Variants in PIK3R4 observed in about 807,000 individuals in gnomAD.
The protein encoded by PIK3R4 is phosphoinositide-3-kinase regulatory subunit 4, also known as phosphoinositide 3-kinase regulatory subunit 4.
Under a neutral mutation model 136.5 loss-of-function variants are expected in PIK3R4, and 46 were observed. The observed-to-expected ratio is 0.34, with a 90% confidence interval of 0.27 to 0.43. The LOEUF is 0.43. Among genes scored for constraint, PIK3R4 ranks in the 20% least tolerant of loss-of-function variants. The pLI is 1.00. For synonymous variants in PIK3R4, 557 were observed against 566.7 expected (o/e 0.98, Z 0.24); for missense variants, 1,331 against 1,649.5 (o/e 0.81, Z 3.35).
rs536921570 is a variant in PIK3R4, at chr3:130,728,699, A to G, written c.1586-15T>C. 230 of 1,427,658 alleles carry G rather than the reference A, an allele frequency of 1.6e-4. 1 individual carries two copies. Among genetic ancestry groups the G allele is most frequent in the Middle Eastern group, 5.7e-4 (3 of 5,236 alleles). 88.4% of individuals were successfully genotyped at this position (1,427,658 alleles called of 1,614,324 possible). On this transcript the variant is annotated splice_polypyrimidine_tract_variant and intron_variant, in intron 5 of 19. Transcript: ENST00000356763. ...GGCTTGGAGCTCTAAAAAAAAAAAA[A>G]AAAGAAAGAAAGAAAGAAAGAAAAG...
At chr3:130,681,669 TGAGA>T (rs750650516) in intron 16 of PIK3R4, 78 bp from the exon 17 acceptor site, 2 of 821,178 alleles carry the variant, frequency 2.4e-6, no homozygotes, top group Admixed American at 4.7e-5. Context: ...ATTGCAGTCC[TGAGA>T]GAAAGAAAGA....
chr3:130,691,568 T>C lies in PIK3R4; in HGVS notation c.3099-914A>G, dbSNP rs1000594975. ...TCACCAACTCCCTCCTCCATTACTC[T>C]CCACACAGACTGCAACTTTACGCTT... On this transcript the variant is annotated intron_variant, in intron 13 of 19. Coordinates refer to ENST00000356763, the MANE Select transcript of PIK3R4 (RefSeq NM_014602.3). Among the ~76,000 whole-genome samples the C allele has an allele frequency of 7.2e-5, 11 of 152,188 alleles. No individual in the cohort carries two copies. In the South Asian group the frequency reaches 2.1e-3, roughly 29 times the overall value.
chr3:130,732,669 C>T (rs534552647), intron 4 of PIK3R4, among the ~76,000 whole-genome samples: 12 of 151,828 alleles, frequency 7.9e-5, no homozygotes, highest in East Asian at 1.9e-4. Context: ...CATAAAAACA[C>T]GTAACAATCA....
chr3:130,725,982 A>G (rs1321443643), intron 6 of PIK3R4: 2 of 152,120 alleles, frequency 1.3e-5, no homozygotes, highest in Non-Finnish European at 2.9e-5. Context: ...ATGCAAAATG[A>G]TATCATCTTT....
intron 13 of PIK3R4, among the ~76,000 whole-genome samples, chr3:130,698,139 G>A (rs908823067): frequency 1.3e-5 from 2 of 152,114 alleles, no homozygotes; most frequent in Non-Finnish European, 2.9e-5. Flanking sequence ...TCAAAATTCT[G>A]TCTTTGTCTT....
intron 12 of PIK3R4, among the ~76,000 whole-genome samples, chr3:130,704,954 C>T (rs1053004519): frequency 6.6e-6 from 1 of 152,080 alleles, no homozygotes; most frequent in South Asian, 2.1e-4. Flanking sequence ...CCTTAGCCTC[C>T]GGAGTAGCTG....
intron 13 of PIK3R4, among the ~76,000 whole-genome samples, chr3:130,702,323 A>AC (rs1315642045): frequency 6.6e-6 from 1 of 152,130 alleles, no homozygotes; most frequent in Admixed American, 6.6e-5. Context: ...TAAAATGTTG[A>AC]CCAAAAAAAA....
In PIK3R4 at chr3:130,740,042, T is replaced by C. The variant is rs551317567; in HGVS notation, c.734-4040A>G. Among the ~76,000 whole-genome samples, 288 of 152,318 alleles carry C rather than the reference T, an allele frequency of 1.9e-3. 1 individual carries two copies. Among genetic ancestry groups the C allele is most frequent in the African/African-American group, 6.6e-3 (274 of 41,582 alleles). On this transcript the variant is annotated intron_variant, in intron 2 of 19. Transcript: ENST00000356763. Reference sequence around the variant, plus strand: ...CCTATGGCAACTCCTGATTCTGATATGGTACAACAGTCATAAAAGGTCATC... The same window carrying C: ...CCTATGGCAACTCCTGATTCTGATACGGTACAACAGTCATAAAAGGTCATC...
intron 13 of PIK3R4, among the ~76,000 whole-genome samples, chr3:130,698,764 T>C (rs1177311416): frequency 1.3e-5 from 2 of 152,236 alleles, no homozygotes; most frequent in East Asian, 3.8e-4. Flanking sequence ...TAATATAACG[T>C]GTCAATTTTG....
In PIK3R4 at chr3:130,703,784, T is replaced by C. The variant is rs2066592383; in HGVS notation, c.3037A>G (p.Asn1013Asp). 3.1e-6 allele frequency: 5 copies of C among 1,613,576 alleles called. No individual in the cohort carries two copies. The East Asian group carries it at 1.1e-4, about 36-fold the overall frequency. The change falls in exon 13 of 20, where the codon AAT (asparagine) becomes GAT (aspartate). Residue 1013 changes from asparagine to aspartate, a missense_variant. Asn to Asp is a conservative substitution (Grantham distance 23). Around this residue, in one of 2 missense-constraint regions of PIK3R4, gnomAD observed 1,180 missense variants for 1,407.0 expected, o/e 0.84. Transcript: ENST00000356763. Reference sequence around the variant, plus strand: ...TTCCAGATTTTCACTGTGCCATCATTTGAACATGTTGCAAAAAGTGAGTGT... The same window carrying C: ...TTCCAGATTTTCACTGTGCCATCATCTGAACATGTTGCAAAAAGTGAGTGT... ...DEHSLFATCSNDGTVKIWNSQ... is the reference protein window; with the variant it reads ...DEHSLFATCSDDGTVKIWNSQ...
chr3:130,723,355 C>T (rs1445655143), intron 7 of PIK3R4, 59 bp downstream of exon 7: 2 of 1,433,250 alleles, frequency 1.4e-6, no homozygotes, highest in East Asian at 2.3e-5. Flanking sequence ...CTTTATATTA[C>T]CTAGAAATTT....
intron 2 of PIK3R4, among the ~76,000 whole-genome samples, chr3:130,742,697 A>G (rs1350890592): frequency 6.6e-6 from 1 of 152,206 alleles, no homozygotes; most frequent in Admixed American, 6.5e-5. Flanking sequence ...TAATTTTCCT[A>G]AATAATCTAA....
intron 7 of PIK3R4, among the ~76,000 whole-genome samples, chr3:130,720,340 C>T (rs2107614218): frequency 6.6e-6 from 1 of 152,250 alleles, no homozygotes; most frequent in East Asian, 1.9e-4. Context: ...GGATTACAGA[C>T]ATGCGCTGCC....
At chr3:130,721,929 T>A (rs528434542) in intron 7 of PIK3R4, among the ~76,000 whole-genome samples, 23 of 152,290 alleles carry the variant, frequency 1.5e-4, no homozygotes, top group African/African-American at 5.1e-4. Flanking sequence ...ACTATGGATA[T>A]GTCAATTAAC....
intron 4 of PIK3R4, among the ~76,000 whole-genome samples, chr3:130,733,102 A>C (rs567505261): frequency 6.6e-6 from 1 of 152,320 alleles, no homozygotes; most frequent in East Asian, 1.9e-4. Flanking sequence ...AAACAACCTT[A>C]AACTTCAGTA....
At chr3:130,720,839 G>C (rs1179190342) in intron 7 of PIK3R4, among the ~76,000 whole-genome samples, 1 of 152,140 alleles carries the variant, frequency 6.6e-6, no homozygotes, top group Non-Finnish European at 1.5e-5. Context: ...AGTCCAGGCA[G>C]CCAGCACAGA....
intron 13 of PIK3R4, among the ~76,000 whole-genome samples, chr3:130,695,124 T>C (rs964951310): frequency 4.6e-5 from 7 of 152,096 alleles, no homozygotes; most frequent in South Asian, 2.1e-4. Flanking sequence ...CTAAGAAAAA[T>C]TGTACTTGGT....
intron 6 of PIK3R4, among the ~76,000 whole-genome samples, chr3:130,725,348 GA>G (rs1391861555): frequency 6.6e-6 from 1 of 150,942 alleles, no homozygotes; most frequent in Non-Finnish European, 1.5e-5. Context: ...AAAACAGTAA[GA>G]AACAAACCAG....
At chr3:130,719,436 TA>T (rs1378744317) in intron 7 of PIK3R4, among the ~76,000 whole-genome samples, 1 of 152,118 alleles carries the variant, frequency 6.6e-6, no homozygotes, top group Non-Finnish European at 1.5e-5. Context: ...TAATAATACT[TA>T]TATTAACAGG....
Sources: allele counts gnomAD v4.1 joint callset (sites outside exome capture counted in the v4.1 genomes callset), GRCh38; gene constraint gnomAD v4.1.1; regional missense constraint gnomAD v4.1.1; transcripts MANE v1.5; gene names NCBI Gene and HGNC (gene_info 2026-07-23, HGNC 2026-07-21).